NAB1: variants seen among roughly 807,000 people sequenced by gnomAD.
NAB1 encodes the protein NGFI-A-binding protein 1.
Under a neutral mutation model 49.9 loss-of-function variants are expected in NAB1, and 25 were observed. That is an observed-to-expected ratio of 0.50 (90% CI 0.37 to 0.70). The LOEUF is 0.70. Ranked by LOEUF, NAB1 falls within the 30% of genes least tolerant of loss-of-function variation. NAB1 has a pLI of 0.00. For missense variants in NAB1, 489 were observed against 575.9 expected (o/e 0.85, Z 1.54); for synonymous variants, 198 against 215.6 (o/e 0.92, Z 0.71).
In NAB1 at chr2:190,685,572, C is replaced by A. The variant is rs776201507; in HGVS notation, c.1192C>A (p.Leu398Ile). ...QHAERRLSAG[L>I]YRQSSEEHSP... ...TGCCGAGAGGAGGTTGTCTGCAGGG[C>A]TTTACAGGCAGAGCTCAGAAGAGCA... The change falls in exon 8 of 10, where the codon CTT becomes ATT. Residue 398 changes from leucine (L) to isoleucine (I), a missense_variant. This residue lies in a region of NAB1 where 212 missense variants were observed against 199.3 expected (regional missense o/e 1.06). Transcript: ENST00000337386. The surrounding 1 kb of genome is among the most constrained non-coding windows in gnomAD (Gnocchi z 4.5). 5 of 1,614,110 alleles carry A rather than the reference C, an allele frequency of 3.1e-6. No individual in the cohort carries two copies. The highest frequency in any genetic ancestry group is 4.2e-6 in the Non-Finnish European group (5 of 1,179,998).
Position 190,682,408 on chromosome 2 carries a change from T to C in NAB1, c.1006-1330T>C, listed in dbSNP as rs1014560256. Among the ~76,000 whole-genome samples, 1 of 152,148 alleles carries C rather than the reference T, an allele frequency of 6.6e-6. No homozygotes were observed. Among genetic ancestry groups the C allele is most frequent in the Non-Finnish European group, 1.5e-5 (1 of 68,024 alleles). ...AGTGAGTGGTGACAGGCCTTTCGAA[T>C]TCCAAAGCTCCATTTCCTGTCATAG... On this transcript the variant is annotated intron_variant, in intron 6 of 9. Transcript: ENST00000337386. The surrounding 1 kb of genome is among the most constrained non-coding windows in gnomAD (Gnocchi z 4.1).
At position 190,678,680 on chromosome 2, in the gene NAB1, G is replaced by T. The variant is rs973415194; in HGVS notation, c.1006-5058G>T. Among the ~76,000 whole-genome samples, 3 of 152,046 alleles carry T rather than the reference G, an allele frequency of 2.0e-5. No homozygotes were observed. The highest frequency in any genetic ancestry group is 7.3e-5 in the African/African-American group (3 of 41,370). ...CATCTGCTAGCAGTTCCAGCAAGGT[G>T]GGGGTGGGAGAGCAAGGAAGGGGGA... On this transcript the variant is annotated intron_variant, in intron 6 of 9. Transcript: ENST00000337386. The surrounding 1 kb of genome is among the most constrained non-coding windows in gnomAD (Gnocchi z 4.9).
rs1695150150 is a variant in NAB1 at position 190,677,872 on chromosome 2, A to C, written c.1005+4720A>C. The stretch of plus-strand genomic sequence containing the variant: ...CTAATGATTATTCACAAAGCATCTT[A>C]CCTGTGAAAAAAACACTATTGGGGT... On this transcript the variant is annotated intron_variant, in intron 6 of 9. Transcript: ENST00000337386. The surrounding 1 kb of genome is among the most constrained non-coding windows in gnomAD (Gnocchi z 5.6). Among the ~76,000 whole-genome samples the C allele has an allele frequency of 6.6e-6, 1 of 152,134 alleles. No homozygotes were observed. The highest frequency in any genetic ancestry group is 2.1e-4 in the South Asian group (1 of 4,830).
rs941529179 is a variant in NAB1, at chr2:190,675,943, C to T, written c.1005+2791C>T. On this transcript the variant is annotated intron_variant, in intron 6 of 9. Coordinates refer to ENST00000337386, the MANE Select transcript of NAB1 (RefSeq NM_005966.4). The surrounding 1 kb of genome is among the most constrained non-coding windows in gnomAD (Gnocchi z 5.2). ...ATATAGTATTGGTATGAATCCTTGT[C>T]TGTGCTGTACTATAAGTCAAATTTG... Among the ~76,000 whole-genome samples the T allele has an allele frequency of 1.3e-5, 2 of 152,124 alleles. No homozygotes were observed. Among genetic ancestry groups the T allele is most frequent in the East Asian group, 1.9e-4 (1 of 5,200 alleles).
At chr2:190,683,942 T>C in intron 7 of NAB1, 115 bp downstream of exon 7, 1 of 819,348 alleles carries the variant, frequency 1.2e-6, no homozygotes, top group Non-Finnish European at 1.9e-6. Flanking sequence ...TATTTCCGTT[T>C]GTTTTTTAAA....
chr2:190,666,326 GT>G lies in NAB1; in HGVS notation c.820-3993del, dbSNP rs1346216320. On this transcript the variant is annotated intron_variant, in intron 4 of 9. Coordinates refer to ENST00000337386, the MANE Select transcript of NAB1 (RefSeq NM_005966.4). The surrounding 1 kb of genome is among the most constrained non-coding windows in gnomAD (Gnocchi z 5.6). ...ATAATTTTAACAACCTGTAAAGAAAGTTTTTTTAGGAATCAGTAAACCACTC... is the reference window on the plus strand; with the variant it reads ...ATAATTTTAACAACCTGTAAAGAAAGTTTTTTAGGAATCAGTAAACCACTC... Among the ~76,000 whole-genome samples, 1 of 152,066 alleles carries G rather than the reference GT, an allele frequency of 6.6e-6. No homozygotes were observed. Among genetic ancestry groups the G allele is most frequent in the Non-Finnish European group, 1.5e-5 (1 of 68,010 alleles).
At position 190,659,739 on chromosome 2, in the gene NAB1, G is replaced by C. The variant is rs756370760; in HGVS notation, c.563G>C (p.Ser188Thr). The C allele has an allele frequency of 1.9e-6, 3 of 1,613,988 alleles. No individual in the cohort carries two copies. In the Admixed American group the frequency reaches 5.0e-5, roughly 27 times the overall value. The change falls in exon 4 of 10, where the codon AGT becomes ACT. Residue 188 changes from serine (S) to threonine (T), a missense_variant. Physicochemically the swap from Ser to Thr is moderately conservative, Grantham distance 58 (BLOSUM62 1). Around this residue, in one of 4 missense-constraint regions of NAB1, gnomAD observed 204 missense variants for 220.9 expected, o/e 0.92. Coordinates refer to ENST00000337386, the MANE Select transcript of NAB1 (RefSeq NM_005966.4). The surrounding 1 kb of genome is among the most constrained non-coding windows in gnomAD (Gnocchi z 6.2). ...TCCCCCGCGTCCCCAAAGGAGAGCAGTGAGGCGCTGGATGCTGCTGCTGCG... is the reference window on the plus strand; with the variant it reads ...TCCCCCGCGTCCCCAAAGGAGAGCACTGAGGCGCTGGATGCTGCTGCTGCG... ...LGSPASPKESSEALDAAAALS... is the reference protein window; with the variant it reads ...LGSPASPKESTEALDAAAALS...
chr2:190,661,545 TTAAC>T (rs1694228093), intron 4 of NAB1, among the ~76,000 whole-genome samples: 1 of 152,162 alleles, frequency 6.6e-6, no homozygotes. Context: ...TTCTAAAAGA[TTAAC>T]AAACCTAGTT....
intron 9 of NAB1, among the ~76,000 whole-genome samples, chr2:190,688,796 C>CTTTCTTTCCTTTCT (rs949472865): frequency 2.7e-5 from 4 of 150,912 alleles, no homozygotes; most frequent in Admixed American, 1.3e-4. Context: ...TCTTTCCTTC[C>CTTTCTTTCCTTTCT]TTTCTTTCCT....
rs753780064 is a variant in NAB1 at position 190,691,880 on chromosome 2, CAG to C, written c.*1549_*1550del. 1.3e-5 allele frequency: 2 copies of C among 152,312 alleles called. No individual in the cohort carries two copies. The highest frequency in any genetic ancestry group is 2.4e-5 in the African/African-American group (1 of 41,442). The allele number at this position is 152,312 out of a possible 1,614,324, so 9.4% of individuals were successfully genotyped here. A position where few individuals can be genotyped will look rare whatever the true frequency, so the allele number is the denominator to read the frequency against. On this transcript the variant is annotated 3_prime_UTR_variant, in exon 10 of 10. Coordinates refer to ENST00000337386, the MANE Select transcript of NAB1 (RefSeq NM_005966.4). This position sits in a 1 kb window ranked among gnomAD's most constrained non-coding sequence, Gnocchi z 4.1. Reference sequence around the variant, plus strand: ...AGATGAAATGTCTGCACTGTAGTCTCAGATCACTGTCACGTATATAAATTGCT... The same window carrying C: ...AGATGAAATGTCTGCACTGTAGTCTCATCACTGTCACGTATATAAATTGCT...
In NAB1 at chr2:190,689,390, C is replaced by A. The variant is rs1695801942; in HGVS notation, c.1376-855C>A. Among the ~76,000 whole-genome samples the A allele has an allele frequency of 6.6e-6, 1 of 152,118 alleles. No homozygotes were observed. The highest frequency in any genetic ancestry group is 1.5e-5 in the Non-Finnish European group (1 of 68,002). On this transcript the variant is annotated intron_variant, in intron 9 of 9. Coordinates refer to ENST00000337386, the MANE Select transcript of NAB1 (RefSeq NM_005966.4). The surrounding 1 kb of genome is among the most constrained non-coding windows in gnomAD (Gnocchi z 4.3). ...AATAAATAGTAGCTACTTTTTTTTACTACTCTTACGCGGAACTTAAAATCC... is the reference window on the plus strand; with the variant it reads ...AATAAATAGTAGCTACTTTTTTTTAATACTCTTACGCGGAACTTAAAATCC...
Position 190,678,718 on chromosome 2 carries a change from A to G in NAB1, c.1006-5020A>G, listed in dbSNP as rs1344334128. 2.0e-5 allele frequency among the ~76,000 whole-genome samples: 3 copies of G among 152,222 alleles called. No homozygotes were observed. In the East Asian group the frequency reaches 5.8e-4, roughly 29 times the overall value. On this transcript the variant is annotated intron_variant, in intron 6 of 9. Coordinates refer to ENST00000337386, the MANE Select transcript of NAB1 (RefSeq NM_005966.4). This position sits in a 1 kb window ranked among gnomAD's most constrained non-coding sequence, Gnocchi z 4.9. ...CAAGGAAGGGGGAGGAAAGAGGTTC[A>G]GAATATCCACCTACGCTGCTACTAA...
chr2:190,669,910 T>C lies in NAB1; in HGVS notation c.820-416T>C, dbSNP rs1428937147. Among the ~76,000 whole-genome samples the C allele has an allele frequency of 2.0e-5, 3 of 152,234 alleles. No homozygotes were observed. The highest frequency in any genetic ancestry group is 7.2e-5 in the African/African-American group (3 of 41,458). The stretch of plus-strand genomic sequence containing the variant: ...CTTGATTCCTTTTTAAGAATTTTCA[T>C]GTCAGTTCATAAAAAATCTGTCAGA... On this transcript the variant is annotated intron_variant, in intron 4 of 9. Transcript: ENST00000337386. The surrounding 1 kb of genome is among the most constrained non-coding windows in gnomAD (Gnocchi z 4.3).
rs1048213638 is a variant in NAB1, at chr2:190,663,530, G to C, written c.819+3535G>C. On this transcript the variant is annotated intron_variant, in intron 4 of 9. Transcript: ENST00000337386. The surrounding 1 kb of genome is among the most constrained non-coding windows in gnomAD (Gnocchi z 4.2). ...GAGTTAAGTAGTTGTGACACAGGCT[G>C]TTTGGCCCGTAAAGCCTAAAATATT... Among the ~76,000 whole-genome samples the C allele has an allele frequency of 6.6e-6, 1 of 152,148 alleles. No individual in the cohort carries two copies. The highest frequency in any genetic ancestry group is 6.6e-5 in the Admixed American group (1 of 15,264).
At chr2:190,661,118 G>A (rs1005203593) in intron 4 of NAB1, among the ~76,000 whole-genome samples, 1 of 152,082 alleles carries the variant, frequency 6.6e-6, no homozygotes, top group Non-Finnish European at 1.5e-5. Context: ...TCATAGAGAT[G>A]GGAGTTTCTC....
rs1694761447 is a variant in NAB1 at position 190,670,727 on chromosome 2, A to C, written c.953+268A>C. ...TTAAACATTCTTCTCTCATACACACACTTTGGTTTTGAGTGTGACGAGGGG... is the reference window on the plus strand; with the variant it reads ...TTAAACATTCTTCTCTCATACACACCCTTTGGTTTTGAGTGTGACGAGGGG... On this transcript the variant is annotated intron_variant, in intron 5 of 9. Coordinates refer to ENST00000337386, the MANE Select transcript of NAB1 (RefSeq NM_005966.4). The surrounding 1 kb of genome is among the most constrained non-coding windows in gnomAD (Gnocchi z 5.3). Among the ~76,000 whole-genome samples, 1 of 152,126 alleles carries C rather than the reference A, an allele frequency of 6.6e-6. No homozygotes were observed. Among genetic ancestry groups the C allele is most frequent in the African/African-American group, 2.4e-5 (1 of 41,402 alleles).
At position 190,657,575 on chromosome 2, in the gene NAB1, G is replaced by A. The variant is rs1323592527; in HGVS notation, c.-20+1422G>A. Among the ~76,000 whole-genome samples, 2 of 152,206 alleles carry A rather than the reference G, an allele frequency of 1.3e-5. No individual in the cohort carries two copies. Among genetic ancestry groups the A allele is most frequent in the Non-Finnish European group, 2.9e-5 (2 of 68,032 alleles). On this transcript the variant is annotated intron_variant, in intron 3 of 9. Coordinates refer to ENST00000337386, the MANE Select transcript of NAB1 (RefSeq NM_005966.4). This position sits in a 1 kb window ranked among gnomAD's most constrained non-coding sequence, Gnocchi z 4.4. Reference sequence around the variant, plus strand: ...TAATTCAGCCTTTGTTGTCTTTTGGGAAGTCATCAGGTAACCTGGTTATGC... The same window carrying A: ...TAATTCAGCCTTTGTTGTCTTTTGGAAAGTCATCAGGTAACCTGGTTATGC...
In NAB1 at chr2:190,685,029, T is replaced by G. The variant is rs1323105663; in HGVS notation, c.1096-447T>G. The stretch of plus-strand genomic sequence containing the variant: ...TCTTCTAGACAGCCGTTTTACACCT[T>G]TTCTCCCCCAAACATATTGTCATCA... On this transcript the variant is annotated intron_variant, in intron 7 of 9. Transcript: ENST00000337386. This position sits in a 1 kb window ranked among gnomAD's most constrained non-coding sequence, Gnocchi z 4.5. Among the ~76,000 whole-genome samples the G allele has an allele frequency of 6.6e-6, 1 of 152,188 alleles. No individual in the cohort carries two copies. Among genetic ancestry groups the G allele is most frequent in the African/African-American group, 2.4e-5 (1 of 41,448 alleles).
In NAB1 at chr2:190,659,992, T is replaced by C; in HGVS notation, c.816T>C (p.His272=). The C allele has an allele frequency of 6.2e-7, 1 of 1,610,094 alleles. No homozygotes were observed. The highest frequency in any genetic ancestry group is 8.5e-7 in the Non-Finnish European group (1 of 1,176,650). ...AGGATGGGAAACATCTCACACTTCA[T>C]GAGGTACAAAGCCCGCGTTGTTCCT... ...KRKDGKHLTL[H]ELTVNEAAAQ... Residue 272 remains histidine (H), a synonymous_variant, in exon 4 of 10, where the codon CAT becomes CAC. Transcript: ENST00000337386. The surrounding 1 kb of genome is among the most constrained non-coding windows in gnomAD (Gnocchi z 6.2).
Sources: gnomAD v4.1 joint callset for allele counts (sites outside exome capture counted in the v4.1 genomes callset) on GRCh38, gnomAD v4.1.1 for gene constraint, gnomAD v4.1.1 regional missense constraint, Gnocchi (gnomAD v3.1) non-coding constraint, MANE v1.5 for transcripts, NCBI Gene and HGNC (gene_info 2026-07-23, HGNC 2026-07-21) for gene names.